SPRED2: variants seen among roughly 807,000 people sequenced by gnomAD.
SPRED2 encodes sprouty-related, EVH1 domain-containing protein 2.
In SPRED2, 47 loss-of-function variants were observed where a neutral mutation model predicts 43.0. The observed-to-expected ratio is 1.09, with a 90% confidence interval of 0.87 to 1.40. The LOEUF is 1.40. Among genes scored for constraint, SPRED2 ranks in the 40% most tolerant of loss-of-function variants. SPRED2 has a pLI of 0.00. For missense variants in SPRED2, 561 were observed against 586.4 expected, an observed-to-expected ratio of 0.96 and a Z score of 0.45; for synonymous variants, 225 against 225.7, an observed-to-expected ratio of 1.00 and a Z score of 0.03.
At chr2:65,308,154 A>T (rs752139497), downstream of SPRED2, among the ~76,000 whole-genome samples, 1 of 152,236 alleles carries the variant, frequency 6.6e-6, no homozygotes, top group Non-Finnish European at 1.5e-5. Context: ...GCAGGGAGGA[A>T]GGGCAGAGGC....
intron 4 of SPRED2, among the ~76,000 whole-genome samples, chr2:65,328,673 A>C (rs973553876): frequency 2.6e-5 from 4 of 152,200 alleles, no homozygotes; most frequent in African/African-American, 9.7e-5. Flanking sequence ...CATCCCAAGA[A>C]GGTTTTGAGT....
chr2:65,349,526 A>C (rs1674448413), intron 1 of SPRED2, among the ~76,000 whole-genome samples: 1 of 152,132 alleles, frequency 6.6e-6, no homozygotes. Context: ...TCTCAACAGG[A>C]GATGGCTAAG....
chr2:65,375,502 C>T (rs567029130), intron 1 of SPRED2, among the ~76,000 whole-genome samples: 5 of 152,296 alleles, frequency 3.3e-5, no homozygotes, highest in African/African-American at 2.4e-5. Context: ...AGGGCTTACC[C>T]ACTCTCTTCA....
At chr2:65,331,588 G>A (rs535671423) in intron 4 of SPRED2, among the ~76,000 whole-genome samples, 65 of 152,342 alleles carry the variant, frequency 4.3e-4, no homozygotes, top group Admixed American at 7.8e-4. Context: ...CGTGTTCACA[G>A]AAGACTCCAA....
In SPRED2 at chr2:65,364,555, A is replaced by G. The variant is rs1007323533; in HGVS notation, c.27-19659T>C. On this transcript the variant is annotated intron_variant, in intron 1 of 5. Transcript: ENST00000356388. ...GGCAGCCACAACCCTAGGAGTGATT[A>G]TCATTGTCCAATTTCAATGGTCAGT... Among the ~76,000 whole-genome samples the G allele has an allele frequency of 5.1e-4, 77 of 152,352 alleles. 2 individuals carry two copies. Among genetic ancestry groups the G allele is most frequent in the African/African-American group, 1.1e-3 (45 of 41,586 alleles).
intron 2 of SPRED2, among the ~76,000 whole-genome samples, chr2:65,339,669 C>A (rs1332922430): frequency 2.1e-4 from 32 of 150,004 alleles, no homozygotes; most frequent in African/African-American, 7.4e-4. Flanking sequence ...CCTGCCAAAT[C>A]CCCCTCTGTG....
At chr2:65,428,161 G>A (rs1188801932) in intron 1 of SPRED2, among the ~76,000 whole-genome samples, 1 of 152,182 alleles carries the variant, frequency 6.6e-6, no homozygotes, top group African/African-American at 2.4e-5. Context: ...GCCCTGCAAA[G>A]AGCCACATAG....
chr2:65,372,192 C>T (rs909455422), intron 1 of SPRED2, among the ~76,000 whole-genome samples: 1 of 152,126 alleles, frequency 6.6e-6, no homozygotes, highest in African/African-American at 2.4e-5. Context: ...TCCCAAAGCC[C>T]ACTCTGTGTG....
At chr2:65,409,152 C>G (rs1676095384) in intron 1 of SPRED2, among the ~76,000 whole-genome samples, 2 of 152,204 alleles carry the variant, frequency 1.3e-5, no homozygotes, top group Admixed American at 1.3e-4. Flanking sequence ...TAATTTAACA[C>G]TGGTCGCACA....
chr2:65,312,765 C>T lies in SPRED2; in HGVS notation c.*736G>A. ...ATTTTCCTGATTCTCACAAGTTAAT[C>T]TGAAGTTAAGGCTCAATTCTCAGTC... On this transcript the variant is annotated 3_prime_UTR_variant, in exon 6 of 6. Coordinates refer to ENST00000356388, the MANE Select transcript of SPRED2 (RefSeq NM_181784.3). The T allele has an allele frequency of 1.0e-6, 1 of 985,826 alleles. No individual in the cohort carries two copies. The highest frequency in any genetic ancestry group is 1.2e-6 in the Non-Finnish European group (1 of 829,936). The allele number at this position is 985,826 out of a possible 1,614,324, so 61.1% of individuals were successfully genotyped here. A position where few individuals can be genotyped will look rare whatever the true frequency, so the allele number is the denominator to read the frequency against.
In SPRED2 at chr2:65,313,223, G is replaced by C; in HGVS notation, c.*278C>G. 6.0e-6 allele frequency: 7 copies of C among 1,167,346 alleles called. No individual in the cohort carries two copies. The highest frequency in any genetic ancestry group is 6.3e-6 in the Non-Finnish European group (6 of 945,226). 72.3% of individuals were successfully genotyped at this position (1,167,346 alleles called of 1,614,324 possible). A position where few individuals can be genotyped will look rare whatever the true frequency, so the allele number is the denominator to read the frequency against. ...GAGACAGTTAGCTTGGTTACAGATTGTTAATAGTACAGGAGTCTGTGGCGA... is the reference window on the plus strand; with the variant it reads ...GAGACAGTTAGCTTGGTTACAGATTCTTAATAGTACAGGAGTCTGTGGCGA... On this transcript the variant is annotated 3_prime_UTR_variant, in exon 6 of 6. Transcript: ENST00000356388.
At chr2:65,369,302 C>T (rs1675061700) in intron 1 of SPRED2, among the ~76,000 whole-genome samples, 2 of 152,018 alleles carry the variant, frequency 1.3e-5, no homozygotes, top group South Asian at 4.1e-4. Flanking sequence ...CACATGCACA[C>T]ATTTTGGGAA....
chr2:65,393,659 C>T (rs1484080776), intron 1 of SPRED2, among the ~76,000 whole-genome samples: 1 of 152,098 alleles, frequency 6.6e-6, no homozygotes, highest in Non-Finnish European at 1.5e-5. Flanking sequence ...TGTTTTTACA[C>T]TTTATAATAA....
At chr2:65,386,301 AAAAG>A (rs1474324970) in intron 1 of SPRED2, among the ~76,000 whole-genome samples, 2 of 149,002 alleles carry the variant, frequency 1.3e-5, no homozygotes, top group Non-Finnish European at 3.0e-5. Flanking sequence ...AAAAAAAAAA[AAAAG>A]AAAGCACTGG....
chr2:65,309,925 GC>G (rs140813400), downstream of SPRED2, among the ~76,000 whole-genome samples: 938 of 152,292 alleles, frequency 6.2e-3, 22 homozygotes, highest in African/African-American at 0.021. Context: ...CCTGGGCTCT[GC>G]AGTTGGCTAG....
intron 1 of SPRED2, among the ~76,000 whole-genome samples, chr2:65,400,865 T>A (rs1675869041): frequency 6.6e-6 from 1 of 152,216 alleles, no homozygotes; most frequent in Non-Finnish European, 1.5e-5. Flanking sequence ...TTCTCTGCTC[T>A]ACTAAATTCA....
intron 4 of SPRED2, among the ~76,000 whole-genome samples, chr2:65,325,242 C>T (rs1673575101): frequency 6.6e-6 from 1 of 152,226 alleles, no homozygotes; most frequent in Admixed American, 6.5e-5. Flanking sequence ...CAAGGGCTGA[C>T]TGCAGAAATC....
chr2:65,326,323 G>A (rs545676681), intron 4 of SPRED2, among the ~76,000 whole-genome samples: 1 of 152,260 alleles, frequency 6.6e-6, no homozygotes, highest in East Asian at 1.9e-4. Flanking sequence ...TCCCCGCAAT[G>A]TCTACTAAGG....
chr2:65,366,249 A>G (rs927719324), intron 1 of SPRED2, among the ~76,000 whole-genome samples: 1 of 152,188 alleles, frequency 6.6e-6, no homozygotes, highest in African/African-American at 2.4e-5. Context: ...GAGGTATACC[A>G]TCTCTGCAAG....
Sources: gnomAD v4.1 joint callset for allele counts (sites outside exome capture counted in the v4.1 genomes callset) on GRCh38, gnomAD v4.1.1 for gene constraint, MANE v1.5 for transcripts, NCBI Gene and HGNC (gene_info 2026-07-23, HGNC 2026-07-21) for gene names.